Variants in DIAPH2 observed in about 807,000 individuals in gnomAD.
DIAPH2 encodes protein diaphanous homolog 2.
Under a neutral mutation model 92.7 loss-of-function variants are expected in DIAPH2, and 35 were observed. That is an observed-to-expected ratio of 0.38 (90% CI 0.29 to 0.50). The LOEUF (loss-of-function observed/expected upper bound fraction) is 0.50. Ranked by LOEUF, DIAPH2 falls within the 20% of genes least tolerant of loss-of-function variation. The pLI is 0.94. For synonymous variants in DIAPH2, 301 were observed against 280.4 expected (o/e 1.07, Z -0.73); for missense variants, 701 against 819.5 (o/e 0.86, Z 1.77).
chrX:97,100,766 C>G (rs1602342414), intron 20 of DIAPH2, among the ~76,000 whole-genome samples: 1 of 112,008 alleles, frequency 8.9e-6, no homozygotes, highest in Admixed American at 9.5e-5. Context: ...TATGTTAGAA[C>G]TGATCCAATT....
chrX:96,952,229 A>T (rs1301836603), intron 15 of DIAPH2, among the ~76,000 whole-genome samples: 1 of 110,792 alleles, frequency 9.0e-6, no homozygotes, highest in Non-Finnish European at 1.9e-5. Flanking sequence ...ATTCCAGGAG[A>T]GGATGGTTAT....
intron 1 of DIAPH2, among the ~76,000 whole-genome samples, chrX:96,725,995 A>G (rs900839910): frequency 8.9e-6 from 1 of 111,952 alleles, no homozygotes; most frequent in Admixed American, 9.5e-5. Flanking sequence ...CAGAGTGATA[A>G]TCATAGCCAT....
chrX:96,825,571 T>C (rs1216845327), intron 4 of DIAPH2, among the ~76,000 whole-genome samples: 1 of 111,068 alleles, frequency 9.0e-6, no homozygotes, highest in Non-Finnish European at 1.9e-5. Flanking sequence ...TAATCTTTTT[T>C]TCCTTGTTAC....
chrX:97,127,292 A>C (rs185272277), intron 21 of DIAPH2, among the ~76,000 whole-genome samples: 1 of 112,268 alleles, frequency 8.9e-6, no homozygotes, highest in African/African-American at 3.2e-5. Flanking sequence ...GAGGAAATAT[A>C]AGCTTTTCAG....
At position 97,251,597 on chromosome X, in the gene DIAPH2, AT is replaced by A. The variant is rs765768167; in HGVS notation, c.2844+3763del. ...CGCCACCACGCCCAGCTAATTTTGTATTTTTAGTAAAGAAGGGGTTTCACCA... is the reference window on the plus strand; with the variant it reads ...CGCCACCACGCCCAGCTAATTTTGTATTTTAGTAAAGAAGGGGTTTCACCA... On this transcript the variant is annotated intron_variant, in intron 23 of 26. Transcript: ENST00000324765. Among the ~76,000 whole-genome samples, 10 of 110,684 alleles carry A rather than the reference AT, an allele frequency of 9.0e-5. No homozygotes were observed. In the South Asian group the frequency reaches 3.9e-3, roughly 43 times the overall value.
intron 23 of DIAPH2, among the ~76,000 whole-genome samples, chrX:97,327,797 A>G (rs2068964808): frequency 8.9e-6 from 1 of 111,913 alleles, no homozygotes; most frequent in Non-Finnish European, 1.9e-5. Flanking sequence ...GCTGGTCTCA[A>G]ACTCCTGACC....
At chrX:97,522,987 TTTA>T (rs1439244823) in intron 26 of DIAPH2, among the ~76,000 whole-genome samples, 4 of 112,073 alleles carry the variant, frequency 3.6e-5, no homozygotes, top group Non-Finnish European at 5.6e-5. Flanking sequence ...GCTTGCCTAC[TTTA>T]TTATCCAAGG....
At chrX:97,549,302 G>C (rs770351806) in intron 26 of DIAPH2, among the ~76,000 whole-genome samples, 3 of 111,430 alleles carry the variant, frequency 2.7e-5, no homozygotes, top group Non-Finnish European at 5.7e-5. Context: ...AATCTAACAT[G>C]TGCATAAACA....
chrX:96,958,411 T>A (rs2065826414), intron 16 of DIAPH2, among the ~76,000 whole-genome samples: 1 of 112,145 alleles, frequency 8.9e-6, no homozygotes, highest in Admixed American at 9.4e-5. Context: ...CAAGCAATTT[T>A]GATTCTTTTA....
At chrX:96,853,636 C>G (rs1228264929) in intron 4 of DIAPH2, among the ~76,000 whole-genome samples, 3 of 111,661 alleles carry the variant, frequency 2.7e-5, no homozygotes, top group African/African-American at 9.7e-5. Context: ...AGATTACCCT[C>G]TATGTCTTAT....
intron 2 of DIAPH2, among the ~76,000 whole-genome samples, chrX:96,737,242 T>C (rs915751756): frequency 1.8e-5 from 2 of 112,178 alleles, no homozygotes; most frequent in South Asian, 7.3e-4. Context: ...TGTCAGCAAC[T>C]GTGTACTCAA....
intron 24 of DIAPH2, among the ~76,000 whole-genome samples, chrX:97,381,611 T>C (rs2069550680): frequency 9.0e-6 from 1 of 111,574 alleles, no homozygotes; most frequent in Non-Finnish European, 1.9e-5. Flanking sequence ...GGCAACTCTA[T>C]TTGGAAGGCA....
At chrX:97,391,731 C>G (rs1427566322) in intron 25 of DIAPH2, among the ~76,000 whole-genome samples, 2 of 110,714 alleles carry the variant, frequency 1.8e-5, no homozygotes, top group African/African-American at 6.6e-5. Context: ...AGTAAGGTAT[C>G]TTTATGTGGC....
At chrX:97,537,202 A>G (rs961500243) in intron 26 of DIAPH2, among the ~76,000 whole-genome samples, 1 of 111,423 alleles carries the variant, frequency 9.0e-6, no homozygotes, top group African/African-American at 3.3e-5. Flanking sequence ...TAGAGGGGGC[A>G]TAAAGATGGA....
intron 17 of DIAPH2, among the ~76,000 whole-genome samples, chrX:96,979,442 TAG>T (rs2065980664): frequency 8.9e-6 from 1 of 112,162 alleles, no homozygotes; most frequent in Non-Finnish European, 1.9e-5. Flanking sequence ...AAAATGTACT[TAG>T]ACTGAACTCC....
chrX:97,507,649 A>G (rs918805326), intron 26 of DIAPH2, among the ~76,000 whole-genome samples: 4 of 112,189 alleles, frequency 3.6e-5, no homozygotes, highest in African/African-American at 1.3e-4. Context: ...CAGAGTTTCT[A>G]TCCTTGAATT....
chrX:97,468,849 G>A (rs1369425403), intron 26 of DIAPH2, among the ~76,000 whole-genome samples: 1 of 111,202 alleles, frequency 9.0e-6, no homozygotes, highest in Non-Finnish European at 1.9e-5. Flanking sequence ...AAACACAGTT[G>A]GCCTCATCAG....
At chrX:97,596,661 T>A (rs2071553799) in intron 26 of DIAPH2, among the ~76,000 whole-genome samples, 1 of 111,829 alleles carries the variant, frequency 8.9e-6, no homozygotes, top group South Asian at 3.8e-4. Flanking sequence ...GTATATCACC[T>A]CTGGCAGCAA....
chrX:97,577,448 C>T (rs996288014), intron 26 of DIAPH2, among the ~76,000 whole-genome samples: 1 of 111,880 alleles, frequency 8.9e-6, no homozygotes, highest in South Asian at 3.7e-4. Flanking sequence ...GTGAGCAGTA[C>T]GAAATTGGCT....
Sources: gnomAD v4.1 joint callset for allele counts (sites outside exome capture counted in the v4.1 genomes callset) on GRCh38, gnomAD v4.1.1 for gene constraint, MANE v1.5 for transcripts, NCBI Gene and HGNC (gene_info 2026-07-23, HGNC 2026-07-21) for gene names.